The following CAMSAP1 variants were observed in gnomAD, a reference collection of about 807,000 sequenced individuals.
The protein encoded by CAMSAP1 is calmodulin-regulated spectrin-associated protein 1.
A neutral mutation model predicts 143.5 loss-of-function variants in CAMSAP1; 58 were observed. The ratio of observed to expected loss-of-function variants is 0.40; its 90% CI spans 0.33 to 0.50. CAMSAP1 has a LOEUF of 0.50. Ranked by LOEUF, CAMSAP1 falls within the 20% of genes least tolerant of loss-of-function variation. The pLI, the probability that CAMSAP1 is intolerant of heterozygous loss-of-function variation, is 0.45. For synonymous variants in CAMSAP1, 945 were observed against 859.3 expected (o/e 1.10, Z -1.74); for missense variants, 1,969 against 2,115.7 (o/e 0.93, Z 1.36).
chr9:135,829,498 G>T (rs1835782946), intron 7 of CAMSAP1, among the ~76,000 whole-genome samples: 1 of 151,668 alleles, frequency 6.6e-6, no homozygotes, highest in East Asian at 1.9e-4. Flanking sequence ...GTCCAGCCTG[G>T]ACAACAGAGC....
At chr9:135,860,255 A>G (rs913288174) in intron 5 of CAMSAP1, among the ~76,000 whole-genome samples, 1 of 151,004 alleles carries the variant, frequency 6.6e-6, no homozygotes, top group South Asian at 2.1e-4. Context: ...AAATAAAATA[A>G]AAAGCATCCA....
chr9:135,821,508 C>A lies in CAMSAP1; in HGVS notation c.3153G>T (p.Lys1051Asn). 1 of 1,614,036 alleles carries A rather than the reference C, an allele frequency of 6.2e-7. No homozygotes were observed. ...AGCCTGGCACTGGGACTGTGGGGGA[C>A]TTCATCAGAAGCTGCTCTTGCTGCT... Reference protein sequence around the residue: ...ISQQQEQLLMKSPTVPVPGSK... With the variant: ...ISQQQEQLLMNSPTVPVPGSK... The change falls in exon 11 of 17, where the codon AAG (lysine) becomes AAT (asparagine). Residue 1051 changes from lysine (K) to asparagine (N), a missense_variant. Lys to Asn is a moderately conservative substitution (Grantham distance 94, BLOSUM62 0). Transcript: ENST00000389532. This position sits in a 1 kb window ranked among gnomAD's most constrained non-coding sequence, Gnocchi z 4.6.
chr9:135,891,798 G>T (rs1000268842), intron 1 of CAMSAP1, among the ~76,000 whole-genome samples: 1 of 152,084 alleles, frequency 6.6e-6, no homozygotes, highest in Non-Finnish European at 1.5e-5. Flanking sequence ...GTTCCATGAG[G>T]TAAAGCTACA....
chr9:135,824,143 G>T lies in CAMSAP1; in HGVS notation c.1316-109C>A, dbSNP rs1415701616. ...AAATGCCTCTCAAGTCAGTACACCAGAAGGGCCGCATGGAAAGCAGAGAGG... is the reference window on the plus strand; with the variant it reads ...AAATGCCTCTCAAGTCAGTACACCATAAGGGCCGCATGGAAAGCAGAGAGG... On this transcript the variant is annotated intron_variant, in intron 9 of 16. Transcript: ENST00000389532. The surrounding 1 kb of genome is among the most constrained non-coding windows in gnomAD (Gnocchi z 4.1). The T allele has an allele frequency of 1.0e-5, 9 of 903,972 alleles. No homozygotes were observed. The highest frequency in any genetic ancestry group is 1.6e-5 in the Non-Finnish European group (9 of 566,572). The allele number at this position is 903,972 out of a possible 1,614,324, so 56.0% of individuals were successfully genotyped here. A position where few individuals can be genotyped will look rare whatever the true frequency, so the allele number is the denominator to read the frequency against.
chr9:135,838,535 TAC>T (rs1226332987), intron 7 of CAMSAP1, among the ~76,000 whole-genome samples: 1 of 150,760 alleles, frequency 6.6e-6, no homozygotes, highest in Non-Finnish European at 1.5e-5. Context: ...CCACCCATTC[TAC>T]AGACACACAT....
At chr9:135,870,925 ATAAT>A (rs1302412987) in intron 3 of CAMSAP1, among the ~76,000 whole-genome samples, 7 of 152,260 alleles carry the variant, frequency 4.6e-5, no homozygotes, top group Non-Finnish European at 7.3e-5. Context: ...CAAATTCCAC[ATAAT>A]TAATCTTTGA....
chr9:135,833,514 T>C (rs985110701), intron 7 of CAMSAP1, among the ~76,000 whole-genome samples: 5 of 151,926 alleles, frequency 3.3e-5, no homozygotes, highest in African/African-American at 4.9e-5. Flanking sequence ...AATTGAGGTA[T>C]ACGGTTAACT....
intron 1 of CAMSAP1, among the ~76,000 whole-genome samples, chr9:135,906,556 G>A (rs941369641): frequency 2.0e-5 from 3 of 152,254 alleles, no homozygotes; most frequent in South Asian, 2.1e-4. Flanking sequence ...ACAGCTGACA[G>A]CTTGTAAGCA....
At chr9:135,856,213 T>C (rs1836964577) in intron 5 of CAMSAP1, among the ~76,000 whole-genome samples, 1 of 152,148 alleles carries the variant, frequency 6.6e-6, no homozygotes, top group South Asian at 2.1e-4. Context: ...TTATTGGACT[T>C]ACAGTTCCAC....
intron 7 of CAMSAP1, among the ~76,000 whole-genome samples, chr9:135,846,455 A>G (rs1160721197): frequency 6.6e-6 from 1 of 152,204 alleles, no homozygotes; most frequent in East Asian, 1.9e-4. Context: ...AGTACCATTC[A>G]GGACACAGGC....
At chr9:135,892,643 G>A (rs1838320575) in intron 1 of CAMSAP1, among the ~76,000 whole-genome samples, 1 of 151,790 alleles carries the variant, frequency 6.6e-6, no homozygotes, top group African/African-American at 2.4e-5. Flanking sequence ...ACGAGGTCAG[G>A]AGTTGGAGAC....
At chr9:135,860,066 C>A (rs887568868) in intron 5 of CAMSAP1, among the ~76,000 whole-genome samples, 50 of 149,324 alleles carry the variant, frequency 3.3e-4, no homozygotes, top group Admixed American at 1.1e-3. Context: ...TAAAAAAATA[C>A]AAAAGTTAGC....
chr9:135,838,755 GAC>G (rs1199881919), intron 7 of CAMSAP1, among the ~76,000 whole-genome samples: 1 of 148,568 alleles, frequency 6.7e-6, no homozygotes, highest in Non-Finnish European at 1.5e-5. Context: ...CTGTTCTACA[GAC>G]ACACGTCATC....
At chr9:135,863,166 T>C (rs533366179) in intron 4 of CAMSAP1, among the ~76,000 whole-genome samples, 2 of 152,282 alleles carry the variant, frequency 1.3e-5, no homozygotes, top group Non-Finnish European at 2.9e-5. Flanking sequence ...TTAACGGCAA[T>C]GAAGCATCAG....
At chr9:135,889,433 G>C (rs1838224230) in intron 1 of CAMSAP1, among the ~76,000 whole-genome samples, 1 of 152,232 alleles carries the variant, frequency 6.6e-6, no homozygotes, top group Non-Finnish European at 1.5e-5. Flanking sequence ...GGGACTGTCT[G>C]ACAAGGAATT....
At chr9:135,878,701 G>A (rs1227424767) in intron 3 of CAMSAP1, among the ~76,000 whole-genome samples, 1 of 152,164 alleles carries the variant, frequency 6.6e-6, no homozygotes, top group Non-Finnish European at 1.5e-5. Flanking sequence ...GCGGGTGAGA[G>A]AGTTTGCTCG....
At chr9:135,869,984 T>C (rs1050855540) in intron 3 of CAMSAP1, among the ~76,000 whole-genome samples, 2 of 152,140 alleles carry the variant, frequency 1.3e-5, no homozygotes, top group Non-Finnish European at 2.9e-5. Flanking sequence ...AGCAAACCCA[T>C]GGATACAGAG....
At chr9:135,903,169 G>A (rs1422614388) in intron 1 of CAMSAP1, among the ~76,000 whole-genome samples, 1 of 152,176 alleles carries the variant, frequency 6.6e-6, no homozygotes, top group Non-Finnish European at 1.5e-5. Flanking sequence ...AGTCCAGCGT[G>A]CTATGCGGTA....
At chr9:135,877,815 A>C (rs1837804491) in intron 3 of CAMSAP1, among the ~76,000 whole-genome samples, 1 of 152,130 alleles carries the variant, frequency 6.6e-6, no homozygotes, top group Admixed American at 6.5e-5. Context: ...TGTCTCCAAA[A>C]AAACAAAAAG....
Sources: gnomAD v4.1 joint callset for allele counts (sites outside exome capture counted in the v4.1 genomes callset) on GRCh38, gnomAD v4.1.1 for gene constraint, Gnocchi (gnomAD v3.1) non-coding constraint, MANE v1.5 for transcripts, NCBI Gene and HGNC (gene_info 2026-07-23, HGNC 2026-07-21) for gene names.